Variants in ATRX observed in about 807,000 individuals in gnomAD.
ATRX encodes the protein ATRX chromatin remodeler, also known as chromatin remodeler ATRX.
In ATRX, 12 loss-of-function variants were observed where a neutral mutation model predicts 172.6. The observed-to-expected ratio is 0.07, with a 90% CI of 0.04 to 0.11. ATRX has a LOEUF of 0.11. Ranked by LOEUF, ATRX falls within the 10% of genes least tolerant of loss-of-function variation. The pLI is 1.00. For synonymous variants in ATRX, 674 were observed against 594.7 expected (o/e 1.13, Z -1.94); for missense variants, 1,368 against 1,767.4 (o/e 0.77, Z 4.05).
At chrX:77,598,346 C>G (rs2066544760) in intron 25 of ATRX, among the ~76,000 whole-genome samples, 1 of 111,213 alleles carries the variant, frequency 9.0e-6, no homozygotes, top group Admixed American at 9.6e-5. Flanking sequence ...ATGTTCAGTA[C>G]CTGGGGATGG....
chrX:77,664,826 A>G, intron 10 of ATRX, 48 bp from the exon 11 acceptor site: 1 of 1,068,537 alleles, frequency 9.4e-7, no homozygotes, highest in Non-Finnish European at 1.3e-6. Flanking sequence ...CTGGGGGTGA[A>G]ATACACCAAA....
At chrX:77,582,238 A>G (rs1315694024) in intron 27 of ATRX, among the ~76,000 whole-genome samples, 1 of 109,942 alleles carries the variant, frequency 9.1e-6, no homozygotes, top group African/African-American at 3.3e-5. Context: ...TGTCTCTACT[A>G]AAAATACAAA....
At chrX:77,580,971 TAAAAA>T in intron 27 of ATRX, among the ~76,000 whole-genome samples, 1 of 112,171 alleles carries the variant, frequency 8.9e-6, no homozygotes, top group East Asian at 2.8e-4. Flanking sequence ...TCTTTGTTTA[TAAAAA>T]CAGTGTAAAG....
At chrX:77,759,535 G>T (rs2075639865) in intron 1 of ATRX, among the ~76,000 whole-genome samples, 1 of 110,039 alleles carries the variant, frequency 9.1e-6, no homozygotes, top group Non-Finnish European at 1.9e-5. Flanking sequence ...CCAACACAGA[G>T]AAACCCCGTC....
intron 10 of ATRX, among the ~76,000 whole-genome samples, chrX:77,665,073 A>C (rs1485901242): frequency 8.9e-6 from 1 of 112,457 alleles, no homozygotes; most frequent in African/African-American, 3.2e-5. Context: ...ATGCTGCATA[A>C]CCTTCCAATC....
intron 26 of ATRX, among the ~76,000 whole-genome samples, chrX:77,591,306 C>A (rs2066240538): frequency 1.8e-5 from 2 of 111,976 alleles, no homozygotes; most frequent in Non-Finnish European, 3.8e-5. Context: ...CATACTTACA[C>A]ACTAGAAAAG....
chrX:77,664,542 C>T (rs993775960), intron 11 of ATRX, 103 bp downstream of exon 11: 38 of 1,102,277 alleles, frequency 3.4e-5, no homozygotes, highest in Admixed American at 9.0e-5. Context: ...TGAGCCACCA[C>T]GCCGGGCCAT....
At chrX:77,708,398 C>T (rs782553374) in intron 2 of ATRX, among the ~76,000 whole-genome samples, 59 of 112,429 alleles carry the variant, frequency 5.2e-4, no homozygotes, top group African/African-American at 1.7e-3. Context: ...CAGTGGCTCA[C>T]GCCTGCAATC....
At chrX:77,751,793 CT>C (rs1193412839) in intron 1 of ATRX, among the ~76,000 whole-genome samples, 2 of 111,793 alleles carry the variant, frequency 1.8e-5, no homozygotes, top group African/African-American at 6.5e-5. Context: ...CATTGCTTGT[CT>C]TTGTCAGATT....
chrX:77,626,030 T>C (rs1429380555), intron 19 of ATRX, among the ~76,000 whole-genome samples: 2 of 414 alleles, frequency 4.8e-3, no homozygotes, highest in Non-Finnish European at 0.011. Context: ...AATTGTGGCA[T>C]ATATATATAT....
At chrX:77,670,036 T>C (rs1202797434) in intron 10 of ATRX, among the ~76,000 whole-genome samples, 1 of 111,789 alleles carries the variant, frequency 8.9e-6, no homozygotes, top group Non-Finnish European at 1.9e-5. Context: ...TTAAACATAT[T>C]TAATCCAGTA....
At chrX:77,689,713 C>T (rs988082341) in intron 6 of ATRX, among the ~76,000 whole-genome samples, 1 of 112,463 alleles carries the variant, frequency 8.9e-6, no homozygotes, top group Non-Finnish European at 1.9e-5. Flanking sequence ...CAGTGTTTCA[C>T]ACCCTGAGCT....
At chrX:77,614,371 T>G (rs1298703529) in intron 22 of ATRX, among the ~76,000 whole-genome samples, 1 of 111,555 alleles carries the variant, frequency 9.0e-6, no homozygotes, top group Non-Finnish European at 1.9e-5. Flanking sequence ...ATGGGTAATA[T>G]TGCATTTGGT....
At chrX:77,634,425 T>C (rs1387341988) in intron 17 of ATRX, 169 bp downstream of exon 17, 2 of 431,632 alleles carry the variant, frequency 4.6e-6, no homozygotes, top group Admixed American at 4.3e-5. Flanking sequence ...TCTTATTTGA[T>C]TAGCAGCTCT....
intron 24 of ATRX, 56 bp from the exon 25 acceptor site, chrX:77,599,636 T>C (rs2148146416): frequency 1.0e-5 from 12 of 1,200,209 alleles, no homozygotes; most frequent in Non-Finnish European, 1.4e-5. Flanking sequence ...TAGAAAAGCA[T>C]AGGAAAGATG....
intron 30 of ATRX, 141 bp downstream of exon 30, chrX:77,557,310 G>A (rs1557059522): frequency 7.1e-6 from 4 of 567,028 alleles, no homozygotes; most frequent in Non-Finnish European, 8.5e-6. Flanking sequence ...TAATTTTCTA[G>A]ACAAAATTCA....
chrX:77,623,121 C>G (rs782554683), intron 19 of ATRX, among the ~76,000 whole-genome samples: 28 of 111,178 alleles, frequency 2.5e-4, no homozygotes, highest in Non-Finnish European at 5.1e-4. Context: ...AAACAATAAG[C>G]TAGTTCCTTG....
At chrX:77,759,605 T>C (rs1221369229) in intron 1 of ATRX, among the ~76,000 whole-genome samples, 1 of 110,151 alleles carries the variant, frequency 9.1e-6, no homozygotes, top group Non-Finnish European at 1.9e-5. Flanking sequence ...TCGCAGCTGC[T>C]TGGGAGGCCA....
intron 26 of ATRX, 64 bp downstream of exon 26, chrX:77,593,632 T>G: frequency 9.4e-7 from 1 of 1,062,953 alleles, no homozygotes. Flanking sequence ...TCAAATACAT[T>G]GTTTAAGCAA....
Sources: gnomAD v4.1 joint callset for allele counts (sites outside exome capture counted in the v4.1 genomes callset) on GRCh38, gnomAD v4.1.1 for gene constraint, MANE v1.5 for transcripts, NCBI Gene and HGNC (gene_info 2026-07-23, HGNC 2026-07-21) for gene names.